ROBO2: variants seen among roughly 807,000 people sequenced by gnomAD.
The protein encoded by ROBO2 is roundabout homolog 2.
Under a neutral mutation model 160.8 loss-of-function variants are expected in ROBO2, and 53 were observed. The observed-to-expected ratio is 0.33, with a 90% CI of 0.26 to 0.41. The LOEUF (loss-of-function observed/expected upper bound fraction) is 0.41. Ranked by LOEUF, ROBO2 falls within the 10% of genes least tolerant of loss-of-function variation. ROBO2 has a pLI of 1.00. For missense variants in ROBO2, 1,577 were observed against 1,722.4 expected, an observed-to-expected ratio of 0.92 and a Z score of 1.49; for synonymous variants, 664 against 611.7, an observed-to-expected ratio of 1.09 and a Z score of -1.26.
intron 22 of ROBO2, among the ~76,000 whole-genome samples, chr3:77,618,669 C>A (rs1427738571): frequency 6.6e-6 from 1 of 151,750 alleles, no homozygotes; most frequent in African/African-American, 2.4e-5. Flanking sequence ...AATTCTTATT[C>A]TCATTATTAA....
intron 2 of ROBO2, among the ~76,000 whole-genome samples, chr3:77,405,031 A>G (rs915462054): frequency 3.3e-5 from 5 of 152,304 alleles, no homozygotes; most frequent in African/African-American, 1.2e-4. Context: ...TTGTTTGTTT[A>G]CCTACCTATC....
chr3:77,084,554 T>C (rs889798604), intron 1 of ROBO2, among the ~76,000 whole-genome samples: 1 of 152,146 alleles, frequency 6.6e-6, no homozygotes, highest in Non-Finnish European at 1.5e-5. Flanking sequence ...GTTCCACTCT[T>C]GTGCTTTGTG....
At chr3:76,459,575 G>C (rs1292280848) in intron 2 of ROBO2, among the ~76,000 whole-genome samples, 1 of 152,046 alleles carries the variant, frequency 6.6e-6, no homozygotes, top group African/African-American at 2.4e-5. Context: ...GCGTGGTATA[G>C]CAAATAGCTA....
rs532089846 is a variant in ROBO2, at chr3:76,274,488, T to C, written c.109+336886T>C. On this transcript the variant is annotated intron_variant, in intron 2 of 26. Coordinates refer to the ROBO2 transcript ENST00000487694. ...TATTTTATGAATCTGATATATGATT[T>C]GCTATGAAATACAGATTGTTATTCA... Among the ~76,000 whole-genome samples the C allele has an allele frequency of 2.6e-5, 4 of 152,270 alleles. No homozygotes were observed. In the South Asian group the frequency reaches 8.3e-4, roughly 32 times the overall value.
chr3:76,332,804 C>T (rs1367473411), intron 2 of ROBO2, among the ~76,000 whole-genome samples: 1 of 151,962 alleles, frequency 6.6e-6, no homozygotes, highest in Non-Finnish European at 1.5e-5. Context: ...CCATAATTAA[C>T]ACAATAAAAC....
At chr3:77,637,982 T>C (rs563629923) in intron 24 of ROBO2, among the ~76,000 whole-genome samples, 1 of 152,336 alleles carries the variant, frequency 6.6e-6, no homozygotes, top group South Asian at 2.1e-4. Context: ...TATGTGTTAT[T>C]AGAAAATGAT....
rs540170088 is a variant in ROBO2 at position 77,519,182 on chromosome 3, C to T, written c.807-3593C>T. ...CATAGAATGCACAATTACTTTTATC[C>T]CTGATCAACGTACCATTAATTAAAA... is the stretch of plus-strand genomic sequence containing the variant. On this transcript the variant is annotated intron_variant, in intron 5 of 25. Transcript: ENST00000461745. Among the ~76,000 whole-genome samples, 518 of 151,138 alleles carry T rather than the reference C, an allele frequency of 3.4e-3. 6 individuals are homozygous for T. Among genetic ancestry groups the T allele is most frequent in the African/African-American group, 0.012 (498 of 41,352 alleles).
intron 2 of ROBO2, among the ~76,000 whole-genome samples, chr3:76,614,646 G>A (rs1017184248): frequency 2.6e-5 from 4 of 152,178 alleles, no homozygotes; most frequent in Middle Eastern, 3.4e-3. Flanking sequence ...AATAACTAAT[G>A]TTTGTTTTAT....
At chr3:77,315,922 T>C (rs968965782) in intron 2 of ROBO2, among the ~76,000 whole-genome samples, 10 of 152,266 alleles carry the variant, frequency 6.6e-5, no homozygotes, top group African/African-American at 2.2e-4. Context: ...TATTCAAGTT[T>C]CTGTAAGTGA....
At chr3:77,430,443 C>T (rs1036162903) in intron 2 of ROBO2, among the ~76,000 whole-genome samples, 9 of 152,020 alleles carry the variant, frequency 5.9e-5, no homozygotes, top group African/African-American at 2.2e-4. Context: ...TGTGTATGTA[C>T]ATATTAATGT....
chr3:77,030,261 T>C (rs1162352959), intron 2 of ROBO2, among the ~76,000 whole-genome samples: 2 of 152,238 alleles, frequency 1.3e-5, no homozygotes, highest in East Asian at 3.9e-4. Context: ...CATTCGGTTC[T>C]GAACTAAAAT....
intron 2 of ROBO2, among the ~76,000 whole-genome samples, chr3:77,410,349 C>G (rs961960756): frequency 6.6e-6 from 1 of 152,058 alleles, no homozygotes; most frequent in African/African-American, 2.4e-5. Context: ...TTAGAGATGC[C>G]TTAGAAAAAT....
At chr3:76,339,820 TC>T (rs1219656087) in intron 2 of ROBO2, among the ~76,000 whole-genome samples, 1 of 152,122 alleles carries the variant, frequency 6.6e-6, no homozygotes, top group Non-Finnish European at 1.5e-5. Context: ...TGTTTATATC[TC>T]CAAGTTTATT....
chr3:77,240,620 C>T (rs2088896125), intron 2 of ROBO2, among the ~76,000 whole-genome samples: 1 of 152,200 alleles, frequency 6.6e-6, no homozygotes. Flanking sequence ...CAAGGGCCAC[C>T]AGCACGTTGT....
At chr3:77,583,870 G>T (rs1307621651) in intron 16 of ROBO2, among the ~76,000 whole-genome samples, 1 of 152,128 alleles carries the variant, frequency 6.6e-6, no homozygotes, top group Non-Finnish European at 1.5e-5. Context: ...ACATTGGTTA[G>T]TATGGGACTT....
intron 2 of ROBO2, among the ~76,000 whole-genome samples, chr3:76,354,194 A>C (rs1233039940): frequency 6.6e-6 from 1 of 151,994 alleles, no homozygotes; most frequent in Non-Finnish European, 1.5e-5. Context: ...AAAACTGAGC[A>C]GTTCATATAT....
intron 20 of ROBO2, among the ~76,000 whole-genome samples, chr3:77,606,418 C>T (rs749169886): frequency 3.9e-5 from 6 of 152,116 alleles, no homozygotes; most frequent in Admixed American, 6.6e-5. Flanking sequence ...AACCCAGATA[C>T]GAAACTCTTG....
At chr3:76,823,878 T>A (rs958550304) in intron 2 of ROBO2, among the ~76,000 whole-genome samples, 2 of 152,156 alleles carry the variant, frequency 1.3e-5, no homozygotes, top group African/African-American at 2.4e-5. Context: ...ATAGTGACTT[T>A]CCCTGATTAG....
At chr3:76,811,509 G>A (rs2065155632) in intron 2 of ROBO2, among the ~76,000 whole-genome samples, 1 of 152,068 alleles carries the variant, frequency 6.6e-6, no homozygotes, top group Non-Finnish European at 1.5e-5. Flanking sequence ...TAAATGTCGT[G>A]TTTTAAATGT....
Sources: gnomAD v4.1 joint callset for allele counts (sites outside exome capture counted in the v4.1 genomes callset) on GRCh38, gnomAD v4.1.1 for gene constraint, MANE v1.5 for transcripts, NCBI Gene and HGNC (gene_info 2026-07-23, HGNC 2026-07-21) for gene names.